The following SH3BGRL2 variants were observed in gnomAD, a reference collection of about 807,000 sequenced individuals.
The protein encoded by SH3BGRL2 is SH3 domain binding glutamate rich protein like 2.
SH3BGRL2 carries 21 observed loss-of-function variants against 14.8 expected under a neutral mutation model. The ratio of observed to expected loss-of-function variants is 1.42; its 90% confidence interval spans 1.01 to 2.05. SH3BGRL2 has a LOEUF of 2.05. Ranked by LOEUF, SH3BGRL2 falls within the 30% of genes most tolerant of loss-of-function variation. The pLI is 0.00. For missense variants in SH3BGRL2, 147 were observed against 130.8 expected (o/e 1.12, Z -0.61); for synonymous variants, 50 against 47.8 (o/e 1.05, Z -0.19).
At chr6:79,560,495 C>G in the SH3BGRL2 span, among the ~76,000 whole-genome samples, 1 of 152,046 alleles carries the variant, frequency 6.6e-6, no homozygotes, top group Non-Finnish European at 1.5e-5. Context: ...GTATTATGAG[C>G]GTGCCTGTGA....
chr6:79,685,978 T>G (rs191735890), intron 2 of SH3BGRL2, among the ~76,000 whole-genome samples: 45 of 152,344 alleles, frequency 3.0e-4, no homozygotes, highest in African/African-American at 9.9e-4. Context: ...CTAGTAAACC[T>G]TCTGAATGCT....
At chr6:79,563,652 AC>A in the SH3BGRL2 span, among the ~76,000 whole-genome samples, 1 of 152,132 alleles carries the variant, frequency 6.6e-6, no homozygotes, top group Admixed American at 6.5e-5. Flanking sequence ...AGCTTCAGCC[AC>A]CCACCAAATA....
chr6:79,561,818 G>A, the SH3BGRL2 span, among the ~76,000 whole-genome samples: 1 of 152,160 alleles, frequency 6.6e-6, no homozygotes, highest in Admixed American at 6.5e-5. Context: ...CTCAAGCTGA[G>A]CCAATCATGT....
intron 1 of SH3BGRL2, among the ~76,000 whole-genome samples, chr6:79,656,809 T>C (rs1022745526): frequency 6.6e-6 from 1 of 151,804 alleles, no homozygotes; most frequent in African/African-American, 2.4e-5. Context: ...GGTATGGGGG[T>C]TGGGGAGAGC....
the SH3BGRL2 span, among the ~76,000 whole-genome samples, chr6:79,556,441 A>C: frequency 2.6e-5 from 4 of 152,268 alleles, no homozygotes; most frequent in African/African-American, 9.6e-5. Context: ...AACTTTAAAA[A>C]ATTATCAACA....
chr6:79,562,594 A>G, the SH3BGRL2 span, among the ~76,000 whole-genome samples: 2 of 152,148 alleles, frequency 1.3e-5, no homozygotes, highest in Admixed American at 6.6e-5. Flanking sequence ...TCCTTTTCCA[A>G]TAGAAACACA....
At chr6:79,675,847 T>A (rs1043383089) in intron 2 of SH3BGRL2, among the ~76,000 whole-genome samples, 1 of 152,136 alleles carries the variant, frequency 6.6e-6, no homozygotes, top group African/African-American at 2.4e-5. Flanking sequence ...CTGTTTTCAT[T>A]GATTTTTTTT....
intron 1 of SH3BGRL2, among the ~76,000 whole-genome samples, chr6:79,639,459 T>C (rs567248992): frequency 6.6e-6 from 1 of 152,134 alleles, no homozygotes; most frequent in African/African-American, 2.4e-5. Flanking sequence ...CATGGTGGCA[T>C]GTGCCTGTAG....
the SH3BGRL2 span, among the ~76,000 whole-genome samples, chr6:79,597,314 A>AG: frequency 5.9e-5 from 8 of 136,570 alleles, no homozygotes; most frequent in African/African-American, 8.5e-5. Context: ...GAAAAGAAAG[A>AG]AAGAGAAAAG....
chr6:79,692,165 T>G (rs1333385437), intron 2 of SH3BGRL2, among the ~76,000 whole-genome samples: 2 of 152,224 alleles, frequency 1.3e-5, no homozygotes, highest in East Asian at 3.8e-4. Flanking sequence ...TTTTGAGAAG[T>G]GTCTGTTTAT....
At chr6:79,615,822 T>G in the SH3BGRL2 span, among the ~76,000 whole-genome samples, 46 of 137,834 alleles carry the variant, frequency 3.3e-4, no homozygotes, top group Non-Finnish European at 6.4e-4. Context: ...CCTGCCTTTT[T>G]TTTTTCTTTC....
At chr6:79,649,197 G>C (rs1421900267) in intron 1 of SH3BGRL2, among the ~76,000 whole-genome samples, 7 of 152,198 alleles carry the variant, frequency 4.6e-5, no homozygotes, top group Non-Finnish European at 1.0e-4. Flanking sequence ...GTTTTAGACT[G>C]TGTTTGGCAT....
the SH3BGRL2 span, among the ~76,000 whole-genome samples, chr6:79,597,858 A>G: frequency 6.6e-6 from 1 of 152,216 alleles, no homozygotes; most frequent in African/African-American, 2.4e-5. Context: ...TGTGAATTCT[A>G]TATCTGATGA....
At chr6:79,571,376 A>G in the SH3BGRL2 span, among the ~76,000 whole-genome samples, 1 of 152,254 alleles carries the variant, frequency 6.6e-6, no homozygotes, top group Non-Finnish European at 1.5e-5. Flanking sequence ...GATTATAAAC[A>G]CAGAACCTGT....
At chr6:79,680,350 A>G (rs965144932) in intron 2 of SH3BGRL2, among the ~76,000 whole-genome samples, 4 of 152,096 alleles carry the variant, frequency 2.6e-5, no homozygotes, top group African/African-American at 7.2e-5. Flanking sequence ...TTTTTTCTCA[A>G]TGAGTGGTCT....
chr6:79,603,864 G>T, the SH3BGRL2 span, among the ~76,000 whole-genome samples: 1 of 152,216 alleles, frequency 6.6e-6, no homozygotes, highest in East Asian at 1.9e-4. Context: ...GAGTACAGTG[G>T]TGCAATCTCA....
At chr6:79,617,905 G>A in the SH3BGRL2 span, among the ~76,000 whole-genome samples, 1 of 152,166 alleles carries the variant, frequency 6.6e-6, no homozygotes, top group Non-Finnish European at 1.5e-5. Flanking sequence ...ATGACACACA[G>A]GTCCTTCCAT....
At chr6:79,582,951 C>A in the SH3BGRL2 span, among the ~76,000 whole-genome samples, 2 of 151,476 alleles carry the variant, frequency 1.3e-5, no homozygotes, top group Admixed American at 1.3e-4. Flanking sequence ...AAAAAAATAA[C>A]CCCATCAAAA....
At chr6:79,624,047 A>G in the SH3BGRL2 span, among the ~76,000 whole-genome samples, 2 of 152,230 alleles carry the variant, frequency 1.3e-5, no homozygotes, top group East Asian at 1.9e-4. Context: ...GAATTCAACA[A>G]TAACCTAAAT....
Sources: allele counts gnomAD v4.1 joint callset (sites outside exome capture counted in the v4.1 genomes callset), GRCh38; gene constraint gnomAD v4.1.1; transcripts MANE v1.5; gene names NCBI Gene and HGNC (gene_info 2026-07-23, HGNC 2026-07-21).